The following TANC2 variants were observed in gnomAD, a reference collection of about 807,000 sequenced individuals.
TANC2 encodes protein TANC2.
Under a neutral mutation model 210.5 loss-of-function variants are expected in TANC2, and 26 were observed. The observed-to-expected ratio is 0.12, with a 90% CI of 0.09 to 0.17. The LOEUF (loss-of-function observed/expected upper bound fraction) is 0.17, where lower values mean the gene tolerates loss of function less well. Among genes scored for constraint, TANC2 ranks in the 10% least tolerant of loss-of-function variants. The pLI is 1.00. For missense variants in TANC2, 2,129 were observed against 2,608.9 expected, an observed-to-expected ratio of 0.82 and a Z score of 4.01; for synonymous variants, 931 against 967.1, an observed-to-expected ratio of 0.96 and a Z score of 0.69.
chr17:63,354,851 C>G (rs1389203603), exon 14 of TANC2: 4 of 1,613,050 alleles, frequency 2.5e-6, no homozygotes, highest in Non-Finnish European at 3.4e-6. Context: ...AAGCCATAGA[C>G]CAGGACCTGC....
chr17:63,193,877 T>G, intron 5 of TANC2, 114 bp from the exon 6 acceptor site: 1 of 1,202,196 alleles, frequency 8.3e-7, no homozygotes, highest in South Asian at 2.4e-5. Flanking sequence ...CTTTGTAATT[T>G]TTGAGTTAAA....
chr17:63,359,613 GC>G (rs1203898519), intron 14 of TANC2, among the ~76,000 whole-genome samples: 1 of 152,132 alleles, frequency 6.6e-6, no homozygotes, highest in Non-Finnish European at 1.5e-5. Flanking sequence ...CTCCCAAAGT[GC>G]TAGGATTACA....
At chr17:63,184,993 G>T (rs1391296891) in intron 5 of TANC2, among the ~76,000 whole-genome samples, 1 of 150,426 alleles carries the variant, frequency 6.6e-6, no homozygotes, top group Non-Finnish European at 1.5e-5. Flanking sequence ...TTTTTGGAGG[G>T]GGGGTTGGGG....
At chr17:63,387,926 A>C (rs116518189) in intron 15 of TANC2, 1 of 152,240 alleles carries the variant, frequency 6.6e-6, no homozygotes, top group Non-Finnish European at 1.5e-5. Context: ...GGTGAAGAAC[A>C]CTAGCTGCTA....
chr17:63,204,457 T>C (rs566033634), intron 7 of TANC2, among the ~76,000 whole-genome samples: 9 of 152,098 alleles, frequency 5.9e-5, no homozygotes, highest in Non-Finnish European at 1.3e-4. Flanking sequence ...ATCCCAACAG[T>C]AGTCTTTGCA....
intron 2 of TANC2, among the ~76,000 whole-genome samples, chr17:63,039,992 T>G (rs1238485620): frequency 6.6e-6 from 1 of 152,188 alleles, no homozygotes; most frequent in African/African-American, 2.4e-5. Flanking sequence ...TTTTTATATT[T>G]TCTCTGTTGT....
At chr17:63,122,572 A>G (rs28681285) in intron 4 of TANC2, among the ~76,000 whole-genome samples, 253 of 152,180 alleles carry the variant, frequency 1.7e-3, no homozygotes, top group African/African-American at 5.9e-3. Context: ...CCCCGTCTCT[A>G]CTAAAAATAC....
rs140436821 is a variant in TANC2 at position 63,336,598 on chromosome 17, T to C, written c.1576-3503T>C. 8.3e-3 allele frequency among the ~76,000 whole-genome samples: 1,266 copies of C among 152,324 alleles called. 17 individuals are homozygous for C. Among genetic ancestry groups the C allele is most frequent in the African/African-American group, 0.028 (1,168 of 41,566 alleles). On this transcript the variant is annotated intron_variant, in intron 11 of 27. Coordinates refer to ENST00000689528, the Ensembl canonical transcript of TANC2. ...CTGTATATAGCCCACAGGCCTGCCCTTTTCTTTCTTCCCTCACAAGAGTAA... is the reference window on the plus strand; with the variant it reads ...CTGTATATAGCCCACAGGCCTGCCCCTTTCTTTCTTCCCTCACAAGAGTAA...
At chr17:63,411,236 CAG>C (rs770041816) in intron 21 of TANC2, among the ~76,000 whole-genome samples, 55 of 152,170 alleles carry the variant, frequency 3.6e-4, no homozygotes, top group Admixed American at 2.2e-3. Context: ...AGGATTCTCA[CAG>C]GGGAATAATA....
intron 7 of TANC2, among the ~76,000 whole-genome samples, chr17:63,231,288 G>C (rs2042469501): frequency 6.6e-6 from 1 of 152,144 alleles, no homozygotes; most frequent in Non-Finnish European, 1.5e-5. Context: ...GTGTGAATTT[G>C]ATCCTGTCAT....
chr17:63,160,370 T>G (rs1235584204), intron 5 of TANC2, among the ~76,000 whole-genome samples: 9 of 152,134 alleles, frequency 5.9e-5, no homozygotes, highest in Admixed American at 5.9e-4. Context: ...TGAGACCCCA[T>G]CGCTACACAA....
chr17:63,293,772 C>T (rs1359434692), intron 9 of TANC2, among the ~76,000 whole-genome samples: 5 of 151,980 alleles, frequency 3.3e-5, no homozygotes, highest in East Asian at 1.9e-4. Context: ...CGTGGGTGCC[C>T]GCCACCCACC....
intron 11 of TANC2, among the ~76,000 whole-genome samples, chr17:63,339,505 T>C (rs1248988179): frequency 6.6e-6 from 1 of 152,116 alleles, no homozygotes; most frequent in African/African-American, 2.4e-5. Flanking sequence ...AAAATCTCAC[T>C]CCTTTCCTTC....
intron 2 of TANC2, among the ~76,000 whole-genome samples, chr17:63,066,653 T>C (rs1313960298): frequency 6.6e-6 from 1 of 152,020 alleles, no homozygotes; most frequent in African/African-American, 2.4e-5. Flanking sequence ...AGAATTCACA[T>C]AAGCCAAAAT....
At chr17:63,110,485 C>T (rs2037993813) in intron 4 of TANC2, among the ~76,000 whole-genome samples, 1 of 151,652 alleles carries the variant, frequency 6.6e-6, no homozygotes, top group African/African-American at 2.4e-5. Flanking sequence ...TATTTTCTCA[C>T]AGTTCTGGTG....
rs192475525 is a variant in TANC2 at position 63,408,547 on chromosome 17, A to G, written c.3589+2270A>G. On this transcript the variant is annotated intron_variant, in intron 21 of 27. Transcript: ENST00000689528. ...GAAATTTATAGATGTTGCATCTGAG[A>G]AAACGCCTTGGATTCTGTTCCGTAT... 1.4e-4 allele frequency among the ~76,000 whole-genome samples: 21 copies of G among 152,366 alleles called. No homozygotes were observed. In the East Asian group the frequency reaches 4.0e-3, roughly 29 times the overall value.
At chr17:63,341,735 T>C (rs2046235010) in intron 12 of TANC2, among the ~76,000 whole-genome samples, 1 of 152,252 alleles carries the variant, frequency 6.6e-6, no homozygotes, top group Non-Finnish European at 1.5e-5. Flanking sequence ...AGACTTTATG[T>C]GTTTCTTCCA....
At chr17:63,295,662 G>A (rs2044513367) in intron 9 of TANC2, among the ~76,000 whole-genome samples, 3 of 152,160 alleles carry the variant, frequency 2.0e-5, no homozygotes, top group Admixed American at 2.0e-4. Context: ...AATCAATTCT[G>A]GTCGTCAGTG....
chr17:63,261,685 G>A (rs537019565), intron 8 of TANC2, among the ~76,000 whole-genome samples: 5 of 152,246 alleles, frequency 3.3e-5, no homozygotes, highest in African/African-American at 1.2e-4. Context: ...ACAGGAAGGG[G>A]CAAATTATTT....
Sources: allele counts gnomAD v4.1 joint callset (sites outside exome capture counted in the v4.1 genomes callset), GRCh38; gene constraint gnomAD v4.1.1; transcripts MANE v1.5; gene names NCBI Gene and HGNC (gene_info 2026-07-23, HGNC 2026-07-21).